STK32B: variants seen among roughly 807,000 people sequenced by gnomAD.
STK32B encodes serine/threonine-protein kinase 32B.
In STK32B, 43 loss-of-function variants were observed where a neutral mutation model predicts 52.6. The observed-to-expected ratio is 0.82, with a 90% CI of 0.64 to 1.05. STK32B has a LOEUF of 1.05. Ranked by LOEUF, STK32B falls within the 50% of genes least tolerant of loss-of-function variation. The pLI is 0.00. For missense variants in STK32B, 621 were observed against 534.6 expected, an observed-to-expected ratio of 1.16 and a Z score of -1.59; for synonymous variants, 238 against 204.3, an observed-to-expected ratio of 1.17 and a Z score of -1.41.
At chr4:5,355,259 C>T (rs1005100830) in intron 4 of STK32B, among the ~76,000 whole-genome samples, 6 of 152,072 alleles carry the variant, frequency 3.9e-5, no homozygotes, top group Admixed American at 3.9e-4. Context: ...TGAAAATGCC[C>T]ACTGCTATTA....
At chr4:5,132,038 T>C (rs111822091) in intron 1 of STK32B, among the ~76,000 whole-genome samples, 25 of 152,290 alleles carry the variant, frequency 1.6e-4, no homozygotes, top group African/African-American at 5.8e-4. Context: ...TGGTTTTCTG[T>C]TCCTGTGTTA....
chr4:5,291,334 A>G (rs976851926), intron 3 of STK32B, among the ~76,000 whole-genome samples: 2 of 152,050 alleles, frequency 1.3e-5, no homozygotes, highest in South Asian at 2.1e-4. Context: ...AATTTTTTCA[A>G]TGATGTTTTG....
At chr4:5,332,597 T>A (rs1057468403) in intron 4 of STK32B, among the ~76,000 whole-genome samples, 7 of 152,268 alleles carry the variant, frequency 4.6e-5, no homozygotes, top group Non-Finnish European at 4.4e-5. Context: ...CTGCACCCAA[T>A]AACTCGTCAT....
intron 1 of STK32B, among the ~76,000 whole-genome samples, chr4:5,070,422 T>G (rs1711687798): frequency 6.6e-6 from 1 of 152,246 alleles, no homozygotes; most frequent in Non-Finnish European, 1.5e-5. Flanking sequence ...GATTAGATAG[T>G]GAGCCCCCGT....
chr4:5,408,591 T>A (rs940485572), intron 5 of STK32B, among the ~76,000 whole-genome samples: 16 of 152,072 alleles, frequency 1.1e-4, no homozygotes, highest in Non-Finnish European at 1.5e-4. Flanking sequence ...TAATGCACCC[T>A]CCTCGTGGAA....
At chr4:5,281,478 A>C (rs1728194950) in intron 3 of STK32B, among the ~76,000 whole-genome samples, 1 of 152,142 alleles carries the variant, frequency 6.6e-6, no homozygotes, top group Non-Finnish European at 1.5e-5. Context: ...ATTAGGACAA[A>C]TACCTAATGC....
chr4:5,324,478 G>A (rs1235244029), intron 3 of STK32B, among the ~76,000 whole-genome samples: 1 of 152,178 alleles, frequency 6.6e-6, no homozygotes, highest in Non-Finnish European at 1.5e-5. Flanking sequence ...TCCGGGGTTA[G>A]GGAAGGCTTC....
intron 1 of STK32B, among the ~76,000 whole-genome samples, chr4:5,061,120 T>C (rs1207382859): frequency 2.6e-5 from 4 of 152,232 alleles, no homozygotes; most frequent in African/African-American, 9.6e-5. Context: ...CAAACTCAAA[T>C]TGCAAAAGCA....
At chr4:5,187,302 C>T (rs77034267) in intron 3 of STK32B, among the ~76,000 whole-genome samples, 6,147 of 152,276 alleles carry the variant, frequency 0.04, 265 homozygotes, top group African/African-American at 0.11. Flanking sequence ...CCAGGACTCT[C>T]TTGGTCCATG....
intron 6 of STK32B, among the ~76,000 whole-genome samples, chr4:5,439,856 A>G (rs1714536363): frequency 6.6e-6 from 1 of 151,882 alleles, no homozygotes; most frequent in South Asian, 2.1e-4. Flanking sequence ...TTTATTAAAT[A>G]GGGAATCCTT....
chr4:5,484,845 T>G (rs1450115364), intron 11 of STK32B, among the ~76,000 whole-genome samples: 1 of 152,208 alleles, frequency 6.6e-6, no homozygotes, highest in African/African-American at 2.4e-5. Flanking sequence ...CCTTCACTTA[T>G]GAAGCATAGT....
intron 4 of STK32B, among the ~76,000 whole-genome samples, chr4:5,368,833 C>T (rs965584521): frequency 6.6e-5 from 10 of 152,138 alleles, no homozygotes; most frequent in Non-Finnish European, 1.2e-4. Context: ...TCATATGCTC[C>T]GCAGGAAGCT....
chr4:5,476,258 C>A (rs1429257079), intron 11 of STK32B, among the ~76,000 whole-genome samples: 1 of 152,156 alleles, frequency 6.6e-6, no homozygotes, highest in Non-Finnish European at 1.5e-5. Context: ...CGTCTGAGGT[C>A]ACTGGTAAAG....
intron 4 of STK32B, among the ~76,000 whole-genome samples, chr4:5,388,213 G>A (rs1210405679): frequency 6.6e-6 from 1 of 152,182 alleles, no homozygotes; most frequent in South Asian, 2.1e-4. Context: ...CTGCACAAAT[G>A]TGACAAATGG....
chr4:5,286,731 G>T (rs1238065707), intron 3 of STK32B, among the ~76,000 whole-genome samples: 1 of 150,234 alleles, frequency 6.7e-6, no homozygotes, highest in Non-Finnish European at 1.5e-5. Context: ...TTGCATTGTT[G>T]ACCTTTACAA....
intron 3 of STK32B, among the ~76,000 whole-genome samples, chr4:5,226,424 T>A (rs936607066): frequency 2.0e-5 from 3 of 152,180 alleles, no homozygotes; most frequent in Admixed American, 2.0e-4. Context: ...CCAAAAACAT[T>A]AAATGAAAAA....
chr4:5,351,758 A>G (rs183856141), intron 4 of STK32B, among the ~76,000 whole-genome samples: 281 of 152,138 alleles, frequency 1.8e-3, no homozygotes, highest in African/African-American at 6.4e-3. Flanking sequence ...AAAATCAGAA[A>G]TGACAAAGAA....
chr4:5,472,706 A>G (rs1487384807), intron 11 of STK32B, among the ~76,000 whole-genome samples: 5 of 152,220 alleles, frequency 3.3e-5, no homozygotes, highest in African/African-American at 1.2e-4. Context: ...AAAATCATAT[A>G]AAAGCTACCC....
At chr4:5,426,238 G>C (rs1308646591) in intron 6 of STK32B, among the ~76,000 whole-genome samples, 1 of 152,106 alleles carries the variant, frequency 6.6e-6, no homozygotes, top group Non-Finnish European at 1.5e-5. Context: ...GTCCTTGCCA[G>C]TACTTGGTAT....
Sources: allele counts gnomAD v4.1 joint callset (sites outside exome capture counted in the v4.1 genomes callset), GRCh38; gene constraint gnomAD v4.1.1; transcripts MANE v1.5; gene names NCBI Gene and HGNC (gene_info 2026-07-23, HGNC 2026-07-21).